Variants in DGKB observed in about 807,000 individuals in gnomAD.
DGKB encodes the protein 90 kDa diacylglycerol kinase.
A neutral mutation model predicts 114.3 loss-of-function variants in DGKB; 67 were observed. That is an observed-to-expected ratio of 0.59 (90% CI 0.48 to 0.72). The LOEUF (loss-of-function observed/expected upper bound fraction) is 0.72, where lower values mean the gene tolerates loss of function less well. DGKB is among the 30% of genes least tolerant of loss of function. The pLI is 0.00. For missense variants in DGKB, 907 were observed against 975.2 expected (o/e 0.93, Z 0.93); for synonymous variants, 398 against 323.1 (o/e 1.23, Z -2.49).
In DGKB at chr7:14,211,404, ATTTACTCTCATGTTTTGTGAT is replaced by A. The variant is rs1562628385; in HGVS notation, c.2123-33274_2123-33254del. ...TGATTTTACTCTCATGTTTTGTGAT[ATTTACTCTCATGTTTTGTGAT>A]TTTACTCTCGTGTTTTGTGATATTT... On this transcript the variant is annotated intron_variant, in intron 23 of 25. Transcript: ENST00000402815. 4.8e-3 allele frequency among the ~76,000 whole-genome samples: 246 copies of A among 51,478 alleles called. 29 individuals carry two copies. Among genetic ancestry groups the A allele is most frequent in the African/African-American group, 0.024 (229 of 9,566 alleles). 33.8% of individuals were successfully genotyped at this position (51,478 alleles called of 152,430 possible).
chr7:14,440,442 T>C (rs776842351), intron 21 of DGKB, among the ~76,000 whole-genome samples: 5 of 152,144 alleles, frequency 3.3e-5, no homozygotes, highest in African/African-American at 9.7e-5. Flanking sequence ...TCCAGTGATA[T>C]ACTGAGTTGA....
chr7:14,389,165 G>A (rs1820910107), intron 21 of DGKB, among the ~76,000 whole-genome samples: 1 of 152,132 alleles, frequency 6.6e-6, no homozygotes, highest in African/African-American at 2.4e-5. Context: ...CCTCTTTTGT[G>A]TGTCTGCTTT....
chr7:14,940,490 A>T (rs139177260), intron 1 of DGKB, among the ~76,000 whole-genome samples: 1 of 152,070 alleles, frequency 6.6e-6, no homozygotes, highest in Non-Finnish European at 1.5e-5. Flanking sequence ...GCTGAAAGTT[A>T]ATGTGCCCCA....
chr7:14,179,206 G>A (rs992395107), intron 23 of DGKB, among the ~76,000 whole-genome samples: 3 of 152,318 alleles, frequency 2.0e-5, no homozygotes, highest in East Asian at 1.9e-4. Flanking sequence ...GAAAGCAGAA[G>A]TTGAACTCAC....
At chr7:14,231,718 C>T (rs1791887938) in intron 23 of DGKB, among the ~76,000 whole-genome samples, 1 of 151,748 alleles carries the variant, frequency 6.6e-6, no homozygotes, top group Non-Finnish European at 1.5e-5. Context: ...AAATAAAACT[C>T]ATACTGTGTT....
At chr7:14,527,323 G>A (rs372461505) in intron 20 of DGKB, among the ~76,000 whole-genome samples, 45 of 152,194 alleles carry the variant, frequency 3.0e-4, no homozygotes, top group African/African-American at 9.4e-4. Context: ...AATTTATTTA[G>A]TAATTTGTTT....
intron 20 of DGKB, among the ~76,000 whole-genome samples, chr7:14,567,432 TATA>T (rs1333936061): frequency 5.2e-5 from 3 of 57,968 alleles, no homozygotes; most frequent in African/African-American, 2.1e-4. Flanking sequence ...ATATTATATA[TATA>T]ATTATATTAT....
chr7:14,799,250 C>T (rs76307668), intron 2 of DGKB, among the ~76,000 whole-genome samples: 277 of 152,326 alleles, frequency 1.8e-3, no homozygotes, highest in African/African-American at 5.8e-3. Flanking sequence ...CCACCAGAAG[C>T]TGTTTGCATT....
intron 20 of DGKB, among the ~76,000 whole-genome samples, chr7:14,536,719 A>G (rs914277410): frequency 1.3e-5 from 2 of 152,154 alleles, no homozygotes; most frequent in African/African-American, 4.8e-5. Flanking sequence ...AACTAAAATC[A>G]TACTCAACAG....
At chr7:14,910,604 C>G (rs909041650) in intron 1 of DGKB, among the ~76,000 whole-genome samples, 5 of 152,076 alleles carry the variant, frequency 3.3e-5, no homozygotes, top group African/African-American at 1.2e-4. Flanking sequence ...GAAGAAGATA[C>G]TCTCGTTACT....
At chr7:14,368,307 A>G (rs1817041392) in intron 21 of DGKB, among the ~76,000 whole-genome samples, 2 of 152,152 alleles carry the variant, frequency 1.3e-5, no homozygotes, top group Admixed American at 6.6e-5. Flanking sequence ...GTATAATGAC[A>G]GGTATTCACC....
chr7:14,195,123 T>C (rs1261903003), intron 23 of DGKB, among the ~76,000 whole-genome samples: 7 of 152,228 alleles, frequency 4.6e-5, no homozygotes, highest in Admixed American at 4.6e-4. Context: ...TGAACACTGC[T>C]GCTTCTGGGT....
intron 1 of DGKB, among the ~76,000 whole-genome samples, chr7:14,852,497 A>C (rs867295455): frequency 7.2e-6 from 1 of 138,390 alleles, no homozygotes; most frequent in African/African-American, 2.7e-5. Flanking sequence ...CAAAAAAAAA[A>C]CAGAAATCAA....
intron 1 of DGKB, among the ~76,000 whole-genome samples, chr7:14,884,077 G>C (rs1302549630): frequency 2.0e-5 from 3 of 151,956 alleles, no homozygotes; most frequent in African/African-American, 7.2e-5. Flanking sequence ...TACAGTACCA[G>C]GTAGAAAATA....
chr7:14,494,569 C>A (rs1785038521), intron 20 of DGKB, among the ~76,000 whole-genome samples: 1 of 151,852 alleles, frequency 6.6e-6, no homozygotes, highest in African/African-American at 2.4e-5. Context: ...ATATGGCATT[C>A]ACTTATTAAG....
At chr7:14,563,194 T>C (rs1421035285) in intron 20 of DGKB, among the ~76,000 whole-genome samples, 1 of 152,222 alleles carries the variant, frequency 6.6e-6, no homozygotes, top group Non-Finnish European at 1.5e-5. Flanking sequence ...TCCCCAGCCA[T>C]GTGAAACTGT....
chr7:14,910,926 A>G (rs987396615), intron 1 of DGKB, among the ~76,000 whole-genome samples: 4 of 152,132 alleles, frequency 2.6e-5, no homozygotes, highest in Non-Finnish European at 4.4e-5. Flanking sequence ...TAATTTAATA[A>G]CCTAATTAAA....
At chr7:14,866,049 C>T (rs1257841206) in intron 1 of DGKB, among the ~76,000 whole-genome samples, 1 of 152,140 alleles carries the variant, frequency 6.6e-6, no homozygotes, top group Non-Finnish European at 1.5e-5. Context: ...AAGGTTACTT[C>T]CAACACAAGA....
rs17593242 is a variant in DGKB, at chr7:14,499,800, C to T, written c.1771-21575G>A. Among the ~76,000 whole-genome samples, 601 of 151,902 alleles carry T rather than the reference C, an allele frequency of 4.0e-3. 4 individuals are homozygous for T. The highest frequency in any genetic ancestry group is 1.0e-2 in the Admixed American group (152 of 15,208). ...TGAAACGTAAATGACAGAAATTGCT[C>T]AAAGCATAGCCTAGTGTAGTAAGAT... On this transcript the variant is annotated intron_variant, in intron 20 of 25. Coordinates refer to ENST00000402815, the MANE Select transcript of DGKB (RefSeq NM_001350709.2).
Sources: allele counts gnomAD v4.1 joint callset (sites outside exome capture counted in the v4.1 genomes callset), GRCh38; gene constraint gnomAD v4.1.1; transcripts MANE v1.5; gene names NCBI Gene and HGNC (gene_info 2026-07-23, HGNC 2026-07-21).